Variants in SNX9 observed in about 807,000 individuals in gnomAD.
The protein encoded by SNX9 is sorting nexin-9.
In SNX9, 44 loss-of-function variants were observed where a neutral mutation model predicts 89.4. The ratio of observed to expected loss-of-function variants is 0.49; its 90% CI spans 0.39 to 0.63. The LOEUF (loss-of-function observed/expected upper bound fraction) is 0.63. Ranked by LOEUF, SNX9 falls within the 30% of genes least tolerant of loss-of-function variation. The probability of loss-of-function intolerance (pLI) is 0.00; values close to 1 mark genes in which losing one functional copy is unlikely to be tolerated. For synonymous variants in SNX9, 236 were observed against 247.8 expected, an observed-to-expected ratio of 0.95 and a Z score of 0.45; for missense variants, 578 against 736.1, an observed-to-expected ratio of 0.79 and a Z score of 2.49.
intron 9 of SNX9, among the ~76,000 whole-genome samples, chr6:157,915,641 AT>A (rs372390548): frequency 0.35 from 32,566 of 93,688 alleles, 6,414 homozygotes; most frequent in Middle Eastern, 0.44. Flanking sequence ...AAAAAAAAAA[AT>A]ATATATATAT....
In SNX9 at chr6:157,823,879, C is replaced by T. The variant is rs1010795506; in HGVS notation, c.12+433C>T. On this transcript the variant is annotated intron_variant, in intron 1 of 17. Coordinates refer to ENST00000392185, the MANE Select transcript of SNX9 (RefSeq NM_016224.5). This position sits in a 1 kb window ranked among gnomAD's most constrained non-coding sequence, Gnocchi z 4.6. ...CCCGCTGCCGCCTGGGGGACCCTCG[C>T]CCCCGCGGGGCGGGTGGGGGTCGAG... 2.6e-5 allele frequency among the ~76,000 whole-genome samples: 4 copies of T among 151,960 alleles called. No homozygotes were observed. Among genetic ancestry groups the T allele is most frequent in the African/African-American group, 9.7e-5 (4 of 41,404 alleles).
chr6:157,886,516 C>T (rs1177007350), intron 4 of SNX9, among the ~76,000 whole-genome samples: 1 of 152,150 alleles, frequency 6.6e-6, no homozygotes, highest in Non-Finnish European at 1.5e-5. Context: ...TCTCTGTGAA[C>T]GTGGGTATAC....
rs376095792 is a variant in SNX9, at chr6:157,909,904, G to T, written c.832-4G>T. The T allele has an allele frequency of 2.9e-4, 466 of 1,613,474 alleles. 2 individuals carry two copies. The highest frequency in any genetic ancestry group is 3.5e-4 in the Non-Finnish European group (417 of 1,179,688). On this transcript the variant is annotated splice_polypyrimidine_tract_variant and splice_region_variant and intron_variant, in intron 8 of 17. Coordinates refer to ENST00000392185, the MANE Select transcript of SNX9 (RefSeq NM_016224.5). The stretch of plus-strand genomic sequence containing the variant: ...TAACCTTTTCTCTTTCCCTTATTTT[G>T]TAGAACACTAATCGATCTGTAAACC...
intron 9 of SNX9, among the ~76,000 whole-genome samples, chr6:157,914,469 C>CTTTTTTTTTT (rs34419515): frequency 4.4e-4 from 33 of 75,112 alleles, no homozygotes; most frequent in African/African-American, 9.0e-4. Context: ...TTTTCTTTTT[C>CTTTTTTTTTT]TTTTTTTTTT....
At chr6:157,941,219 A>G (rs914614190) in intron 17 of SNX9, among the ~76,000 whole-genome samples, 4 of 152,128 alleles carry the variant, frequency 2.6e-5, no homozygotes, top group Middle Eastern at 6.3e-3. Flanking sequence ...GCAAGGCCCC[A>G]AGAAGTTCCT....
intron 7 of SNX9, among the ~76,000 whole-genome samples, chr6:157,907,707 G>A (rs1297829169): frequency 5.3e-5 from 8 of 152,232 alleles, no homozygotes; most frequent in African/African-American, 1.9e-4. Flanking sequence ...CAGTAGGCAG[G>A]TCTGCCTGTG....
intron 1 of SNX9, among the ~76,000 whole-genome samples, chr6:157,828,336 A>G (rs1781420449): frequency 6.6e-6 from 1 of 151,944 alleles, no homozygotes; most frequent in Non-Finnish European, 1.5e-5. Context: ...CCTTGTTTTT[A>G]TATTGACCAT....
intron 3 of SNX9, 81 bp downstream of exon 3, chr6:157,873,257 A>C (rs1413297719): frequency 1.7e-6 from 2 of 1,202,236 alleles, no homozygotes; most frequent in East Asian, 5.1e-5. Flanking sequence ...ACAAGAAGTC[A>C]GCAACTTTTT....
chr6:157,930,802 A>G (rs972758971), intron 12 of SNX9, among the ~76,000 whole-genome samples: 21 of 152,340 alleles, frequency 1.4e-4, no homozygotes, highest in African/African-American at 4.6e-4. Context: ...GCTCTAAAGT[A>G]TAAATGAAAG....
At chr6:157,882,175 A>G (rs905358491) in intron 4 of SNX9, among the ~76,000 whole-genome samples, 31 of 152,238 alleles carry the variant, frequency 2.0e-4, no homozygotes, top group Non-Finnish European at 3.1e-4. Context: ...CCTTAGAATT[A>G]TGCGGAATCT....
At chr6:157,826,882 T>TATAAATATATATTATAGTTTATATAATAC in intron 1 of SNX9, among the ~76,000 whole-genome samples, 1 of 103,740 alleles carries the variant, frequency 9.6e-6, no homozygotes, top group African/African-American at 4.4e-5. Context: ...TTATATAATA[T>TATAAATATATATTATAGTTTATATAATAC]ATAAATATAT....
intron 3 of SNX9, chr6:157,874,202 A>C (rs965408956): frequency 1.3e-5 from 2 of 152,264 alleles, no homozygotes; most frequent in African/African-American, 4.8e-5. Flanking sequence ...AGAGAATCCG[A>C]TGCAATCTCT....
At chr6:157,941,028 A>AAAGTGGTTTACCAGG in intron 17 of SNX9, 54 bp downstream of exon 17, 1 of 1,440,438 alleles carries the variant, frequency 6.9e-7, no homozygotes, top group Non-Finnish European at 9.8e-7. Context: ...GGTTCCTGGT[A>AAAGTGGTTTACCAGG]AACCACTTTG....
intron 1 of SNX9, among the ~76,000 whole-genome samples, chr6:157,866,634 G>A (rs1242330535): frequency 1.3e-5 from 2 of 152,094 alleles, no homozygotes; most frequent in African/African-American, 2.4e-5. Context: ...TGGCTGTTTA[G>A]GTAACTCGAC....
chr6:157,856,644 C>T (rs1249110783), intron 1 of SNX9, among the ~76,000 whole-genome samples: 3 of 152,178 alleles, frequency 2.0e-5, no homozygotes, highest in African/African-American at 7.2e-5. Context: ...TTTATAGGTT[C>T]CCTTACCTCA....
At chr6:157,920,733 C>G (rs1783566789) in intron 9 of SNX9, among the ~76,000 whole-genome samples, 1 of 152,192 alleles carries the variant, frequency 6.6e-6, no homozygotes, top group Non-Finnish European at 1.5e-5. Context: ...GCTGGAACTT[C>G]TACCACTAGA....
At chr6:157,922,603 G>T (rs1783605172) in intron 10 of SNX9, among the ~76,000 whole-genome samples, 1 of 152,190 alleles carries the variant, frequency 6.6e-6, no homozygotes, top group South Asian at 2.1e-4. Flanking sequence ...TATGTTTACA[G>T]GTGTATGCAT....
intron 1 of SNX9, among the ~76,000 whole-genome samples, chr6:157,852,216 C>A (rs568193724): frequency 6.6e-6 from 1 of 152,270 alleles, no homozygotes; most frequent in East Asian, 1.9e-4. Flanking sequence ...ATTTTATATT[C>A]CCACCAACCA....
chr6:157,835,856 C>A (rs773696070), intron 1 of SNX9, among the ~76,000 whole-genome samples: 3 of 152,260 alleles, frequency 2.0e-5, no homozygotes, highest in Middle Eastern at 3.4e-3. Context: ...CAGTCTTGGG[C>A]AGTTCTTTAT....
Sources: gnomAD v4.1 joint callset for allele counts (sites outside exome capture counted in the v4.1 genomes callset) on GRCh38, gnomAD v4.1.1 for gene constraint, Gnocchi (gnomAD v3.1) non-coding constraint, MANE v1.5 for transcripts, NCBI Gene and HGNC (gene_info 2026-07-23, HGNC 2026-07-21) for gene names.